ITGAV: variants seen among roughly 807,000 people sequenced by gnomAD.
ITGAV encodes the protein integrin subunit alpha V, also known as integrin alpha-V.
ITGAV carries 76 observed loss-of-function variants against 143.8 expected under a neutral mutation model. The observed-to-expected ratio is 0.53, with a 90% CI of 0.44 to 0.64. ITGAV has a LOEUF of 0.64. Among genes scored for constraint, ITGAV ranks in the 30% least tolerant of loss-of-function variants. ITGAV has a pLI of 0.00. For synonymous variants in ITGAV, 453 were observed against 446.7 expected (o/e 1.01, Z -0.18); for missense variants, 1,193 against 1,274.7 (o/e 0.94, Z 0.98).
At chr2:186,657,914 C>T (rs1440641199) in intron 17 of ITGAV, among the ~76,000 whole-genome samples, 1 of 151,708 alleles carries the variant, frequency 6.6e-6, no homozygotes, top group African/African-American at 2.4e-5. Flanking sequence ...ATCAAACATT[C>T]AAGAACAAGA....
intron 14 of ITGAV, among the ~76,000 whole-genome samples, chr2:186,651,375 T>C (rs931964691): frequency 1.3e-5 from 2 of 152,212 alleles, no homozygotes; most frequent in East Asian, 1.9e-4. Flanking sequence ...TTTAATTTAT[T>C]GTTTTTAGTT....
At chr2:186,649,915 G>A in intron 14 of ITGAV, 30 bp downstream of exon 14, 1 of 1,404,298 alleles carries the variant, frequency 7.1e-7, no homozygotes, top group Non-Finnish European at 9.8e-7. Flanking sequence ...TGCGGTATAG[G>A]AATATTCTGA....
At chr2:186,623,163 A>C (rs1352657011) in intron 3 of ITGAV, among the ~76,000 whole-genome samples, 1 of 152,120 alleles carries the variant, frequency 6.6e-6, no homozygotes, top group East Asian at 1.9e-4. Flanking sequence ...AATGTTTTCT[A>C]TGGTAACCAT....
intron 2 of ITGAV, among the ~76,000 whole-genome samples, chr2:186,603,837 A>G (rs141269802): frequency 1.6e-3 from 240 of 151,658 alleles, no homozygotes; most frequent in Non-Finnish European, 2.0e-3. Context: ...CATACAACTC[A>G]CATCAGTCTT....
intron 12 of ITGAV, among the ~76,000 whole-genome samples, chr2:186,643,240 TGTGTC>T (rs1268695811): frequency 6.6e-6 from 1 of 152,200 alleles, no homozygotes; most frequent in Non-Finnish European, 1.5e-5. Flanking sequence ...TTTGTTATAA[TGTGTC>T]GTCTGTCAGT....
rs777910458 is a variant in ITGAV at position 186,636,187 on chromosome 2, T to A, written c.737T>A (p.Ile246Asn). 3 of 1,612,146 alleles carry A rather than the reference T, an allele frequency of 1.9e-6. No homozygotes were observed. Residue 246 changes from isoleucine (I) to asparagine (N), a missense_variant, in exon 7 of 30, where the codon ATT becomes AAT. Coordinates refer to ENST00000261023, the MANE Select transcript of ITGAV (RefSeq NM_002210.5). The part of the protein sequence containing the change: ...NQLATRTAQA[I>N]FDDSYLGYSV... Reference sequence around the variant, plus strand: ...TTAGCAACTCGGACTGCACAAGCTATTTTTGATGACAGCTATTTGGGTAGG... The same window carrying A: ...TTAGCAACTCGGACTGCACAAGCTAATTTTGATGACAGCTATTTGGGTAGG...
At chr2:186,592,410 G>A (rs1232341106) in intron 1 of ITGAV, among the ~76,000 whole-genome samples, 2 of 152,184 alleles carry the variant, frequency 1.3e-5, no homozygotes, top group Admixed American at 6.5e-5. Context: ...TGTGGCCTGG[G>A]CGATAGAGAG....
chr2:186,661,249 T>A (rs1275405405), intron 18 of ITGAV, among the ~76,000 whole-genome samples: 2 of 152,234 alleles, frequency 1.3e-5, no homozygotes, highest in Admixed American at 1.3e-4. Flanking sequence ...TTTTTGTATT[T>A]AGAATCCATG....
In ITGAV at chr2:186,641,452, G is replaced by T. The variant is rs2105711399; in HGVS notation, c.1023G>T (p.Glu341Asp). Residue 341 changes from glutamate (E) to aspartate (D), a missense_variant, in exon 12 of 30, where the codon GAG becomes GAT. By Grantham distance (45) the Glu-to-Asp change is conservative. Transcript: ENST00000261023. ...MDRGSDGKLQ[E>D]VGQVSVSLQR... ...GTGGCTCTGATGGCAAACTCCAAGA[G>T]GTGGGGCAGGTCTCAGTGTCTCTAC... 1 of 1,614,198 alleles carries T rather than the reference G, an allele frequency of 6.2e-7. No homozygotes were observed. Among genetic ancestry groups the T allele is most frequent in the Non-Finnish European group, 8.5e-7 (1 of 1,180,018 alleles).
In ITGAV at chr2:186,604,283, C is replaced by T. The variant is rs1006945245; in HGVS notation, c.316+2132C>T. On this transcript the variant is annotated intron_variant, in intron 2 of 29. Transcript: ENST00000261023. ...TCAAAAATCTGATGCCTCCCTGCACCGTTCTAACAATAGAAATCTCTTGTA... is the reference window on the plus strand; with the variant it reads ...TCAAAAATCTGATGCCTCCCTGCACTGTTCTAACAATAGAAATCTCTTGTA... Among the ~76,000 whole-genome samples the T allele has an allele frequency of 3.3e-5, 5 of 151,900 alleles. No homozygotes were observed. In the South Asian group the frequency reaches 6.3e-4, roughly 19 times the overall value.
intron 15 of ITGAV, among the ~76,000 whole-genome samples, chr2:186,652,994 A>G (rs13007986): frequency 0.65 from 91,556 of 141,828 alleles, 29,522 homozygotes; most frequent in East Asian, 0.84. Flanking sequence ...GCCGGACTGC[A>G]GACTGCAGTG....
At chr2:186,641,832 A>C (rs1270654591) in intron 12 of ITGAV, 3 of 502,284 alleles carry the variant, frequency 6.0e-6, no homozygotes, top group East Asian at 3.3e-5. Flanking sequence ...AGAAGGTCAG[A>C]ATGATTACTT....
At chr2:186,675,278 G>C (rs1022067284) in intron 26 of ITGAV, among the ~76,000 whole-genome samples, 1 of 152,116 alleles carries the variant, frequency 6.6e-6, no homozygotes, top group Non-Finnish European at 1.5e-5. Flanking sequence ...TTATGGGTTT[G>C]CCTAAAGAAT....
rs1450682228 is a variant in ITGAV at position 186,669,697 on chromosome 2, T to C, written c.2593-4T>C. 3 of 1,602,420 alleles carry C rather than the reference T, an allele frequency of 1.9e-6. No homozygotes were observed. The Admixed American group carries it at 5.1e-5, about 27-fold the overall frequency. ...CCACCATTTTATTAATGTGATTGCATTAGATCTCATCTTTGCAAACAACTG... is the reference window on the plus strand; with the variant it reads ...CCACCATTTTATTAATGTGATTGCACTAGATCTCATCTTTGCAAACAACTG... On this transcript the variant is annotated splice_polypyrimidine_tract_variant and splice_region_variant and intron_variant, in intron 25 of 29. Transcript: ENST00000261023.
At position 186,667,225 on chromosome 2, in the gene ITGAV, A is replaced by G. The variant is rs1434073574; in HGVS notation, c.2322A>G (p.Ile774Met). ...VDLAVLAAVE[I>M]RGVSSPDHVF... is the part of the protein sequence containing the mutation. Reference sequence around the variant, plus strand: ...TTGCTGTTTTAGCTGCAGTTGAGATAAGAGGGTCAGTATGAATACTTAGTT... The same window carrying G: ...TTGCTGTTTTAGCTGCAGTTGAGATGAGAGGGTCAGTATGAATACTTAGTT... Residue 774 changes from isoleucine to methionine, a missense_variant, in exon 23 of 30, where the codon ATA (isoleucine) becomes ATG (methionine). Transcript: ENST00000261023. The G allele has an allele frequency of 6.2e-7, 1 of 1,607,204 alleles. No homozygotes were observed.
At chr2:186,672,937 A>G (rs945654484) in intron 26 of ITGAV, among the ~76,000 whole-genome samples, 4 of 152,130 alleles carry the variant, frequency 2.6e-5, no homozygotes, top group African/African-American at 7.2e-5. Context: ...CAATTTATCT[A>G]TGTCTTCTTT....
In ITGAV at chr2:186,669,940, T is replaced by C. The variant is rs61764164; in HGVS notation, c.2706+126T>C. ...AACAACTACATTTATTTTTATACCA[T>C]GCATTCCTCTCACTTTCCTTTTTCC... is the stretch of plus-strand genomic sequence containing the variant. On this transcript the variant is annotated intron_variant, in intron 26 of 29. Coordinates refer to ENST00000261023, the MANE Select transcript of ITGAV (RefSeq NM_002210.5). The C allele has an allele frequency of 1.2e-3, 813 of 680,028 alleles. No homozygotes were observed. In the African/African-American group the frequency reaches 0.013, roughly 11 times the overall value. The allele number at this position is 680,028 out of a possible 1,614,324, so 42.1% of individuals were successfully genotyped here. A position where few individuals can be genotyped will look rare whatever the true frequency, so the allele number is the denominator to read the frequency against.
chr2:186,650,618 T>C (rs1688398631), intron 14 of ITGAV, among the ~76,000 whole-genome samples: 1 of 151,954 alleles, frequency 6.6e-6, no homozygotes, highest in Non-Finnish European at 1.5e-5. Context: ...CAATCTTGGC[T>C]CATTGCAACC....
intron 1 of ITGAV, chr2:186,600,309 C>G (rs1054767280): frequency 5.2e-6 from 8 of 1,538,578 alleles, no homozygotes; most frequent in East Asian, 2.5e-5. Flanking sequence ...CCCCACCCCC[C>G]ACTCCCCTCC....
Sources: gnomAD v4.1 joint callset for allele counts (sites outside exome capture counted in the v4.1 genomes callset) on GRCh38, gnomAD v4.1.1 for gene constraint, MANE v1.5 for transcripts, NCBI Gene and HGNC (gene_info 2026-07-23, HGNC 2026-07-21) for gene names.